DYNC2I1: variants seen among roughly 807,000 people sequenced by gnomAD.
DYNC2I1 encodes cytoplasmic dynein 2 intermediate chain 1.
DYNC2I1 carries 89 observed loss-of-function variants against 133.4 expected under a neutral mutation model. That is an observed-to-expected ratio of 0.67 (90% CI 0.56 to 0.80). DYNC2I1 has a LOEUF of 0.80. Among genes scored for constraint, DYNC2I1 ranks in the 30% least tolerant of loss-of-function variants. DYNC2I1 has a pLI of 0.00. For synonymous variants in DYNC2I1, 504 were observed against 484.3 expected, an observed-to-expected ratio of 1.04 and a Z score of -0.54; for missense variants, 1,291 against 1,314.5, an observed-to-expected ratio of 0.98 and a Z score of 0.28.
intron 21 of DYNC2I1, among the ~76,000 whole-genome samples, chr7:158,931,876 C>G (rs912146023): frequency 1.3e-5 from 2 of 152,138 alleles, no homozygotes; most frequent in African/African-American, 4.8e-5. Flanking sequence ...AGGGGGCGCT[C>G]CCTGCTTTCC....
intron 8 of DYNC2I1, among the ~76,000 whole-genome samples, chr7:158,894,296 T>C (rs1489953188): frequency 6.6e-6 from 1 of 152,208 alleles, no homozygotes; most frequent in Non-Finnish European, 1.5e-5. Context: ...CTGCATATCA[T>C]ACTGCATGTC....
intron 24 of DYNC2I1, among the ~76,000 whole-genome samples, chr7:158,943,578 A>G (rs1196837917): frequency 6.6e-6 from 1 of 152,200 alleles, no homozygotes; most frequent in Non-Finnish European, 1.5e-5. Context: ...GGGCCTGGGC[A>G]GGGGCGGGTA....
rs546207157 is a variant in DYNC2I1 at position 158,944,615 on chromosome 7, C to T, written c.3003-966C>T. ...ACGAGGCTTCATTCCCACACTCTGCCGCCCCACGTCCTGTGGAGTGAGCAG... is the reference window on the plus strand; with the variant it reads ...ACGAGGCTTCATTCCCACACTCTGCTGCCCCACGTCCTGTGGAGTGAGCAG... On this transcript the variant is annotated intron_variant, in intron 24 of 24. Transcript: ENST00000407559. Among the ~76,000 whole-genome samples the T allele has an allele frequency of 4.6e-5, 7 of 152,308 alleles. 1 individual carries two copies. The highest frequency in any genetic ancestry group is 7.2e-5 in the African/African-American group (3 of 41,572).
chr7:158,862,020 C>T (rs538967656), intron 1 of DYNC2I1, among the ~76,000 whole-genome samples: 1 of 152,126 alleles, frequency 6.6e-6, no homozygotes, highest in Non-Finnish European at 1.5e-5. Flanking sequence ...TAAATTATGT[C>T]CCAGTCCTAA....
chr7:158,874,800 G>A (rs184171381), intron 3 of DYNC2I1, among the ~76,000 whole-genome samples: 2 of 152,314 alleles, frequency 1.3e-5, no homozygotes, highest in Non-Finnish European at 2.9e-5. Flanking sequence ...TTCCAGGCTT[G>A]TGTATCCCCT....
At chr7:158,866,329 T>C (rs4909278) in intron 1 of DYNC2I1, among the ~76,000 whole-genome samples, 31,081 of 146,732 alleles carry the variant, frequency 0.21, 3,319 homozygotes, top group Middle Eastern at 0.27. Context: ...CATCCCTTCT[T>C]TGTGGTGCCC....
At chr7:158,949,707 C>T (rs922404866), downstream of DYNC2I1, among the ~76,000 whole-genome samples, 6 of 151,634 alleles carry the variant, frequency 4.0e-5, no homozygotes, top group African/African-American at 1.2e-4. Context: ...CATCAAAGGC[C>T]GGGAGAATGG....
chr7:158,945,590 C>T lies in DYNC2I1; in HGVS notation c.3012C>T (p.Ala1004=). 6.2e-7 allele frequency: 1 copy of T among 1,605,252 alleles called. No homozygotes were observed. The highest frequency in any genetic ancestry group is 8.5e-7 in the Non-Finnish European group (1 of 1,176,604). The stretch of plus-strand genomic sequence containing the variant: ...GCCCCTCTCCCTGCAGGCTGGTGGC[C>T]ATGGCTGCGGTGGGTGAGCCTGAGA... The part of the protein sequence containing the change: ...KQQVSPNRLV[A]MAAVGEPEKA... The change falls in exon 25 of 25, where the codon GCC becomes GCT. Residue 1004 remains alanine, a synonymous_variant. Coordinates refer to ENST00000407559, the MANE Select transcript of DYNC2I1 (RefSeq NM_018051.5). The surrounding 1 kb of genome is among the most constrained non-coding windows in gnomAD (Gnocchi z 4.1).
intron 21 of DYNC2I1, among the ~76,000 whole-genome samples, chr7:158,933,591 G>C (rs1221444195): frequency 6.6e-6 from 1 of 152,208 alleles, no homozygotes; most frequent in Non-Finnish European, 1.5e-5. Flanking sequence ...TGGGTGTGTG[G>C]GAACCCACAA....
chr7:158,872,007 T>G (rs1177976884), intron 3 of DYNC2I1, among the ~76,000 whole-genome samples: 2 of 152,196 alleles, frequency 1.3e-5, no homozygotes, highest in African/African-American at 4.8e-5. Context: ...TCATTGTTTT[T>G]CTTTTGGTAT....
intron 3 of DYNC2I1, among the ~76,000 whole-genome samples, chr7:158,874,632 A>G (rs906986848): frequency 6.6e-6 from 1 of 152,054 alleles, no homozygotes; most frequent in Non-Finnish European, 1.5e-5. Context: ...CACAAAGCCC[A>G]TCTGTGCAGT....
upstream of DYNC2I1, among the ~76,000 whole-genome samples, chr7:158,853,881 G>A (rs1043432442): frequency 3.9e-5 from 6 of 152,064 alleles, no homozygotes; most frequent in African/African-American, 1.2e-4. Flanking sequence ...TCAAACTCCC[G>A]ACCTCAGGTG....
At chr7:158,869,947 A>T in intron 2 of DYNC2I1, 39 bp downstream of exon 2, 1 of 1,584,460 alleles carries the variant, frequency 6.3e-7, no homozygotes, top group Non-Finnish European at 8.6e-7. Context: ...TCTGTGCAGG[A>T]CTCGTGTGGT....
intron 23 of DYNC2I1, 140 bp downstream of exon 23, chr7:158,934,689 T>C: frequency 1.2e-6 from 1 of 848,934 alleles, no homozygotes; most frequent in South Asian, 1.8e-5. Context: ...CAAATGACCC[T>C]CCCACCTCAG....
At chr7:158,932,322 A>G (rs1267129656) in intron 21 of DYNC2I1, among the ~76,000 whole-genome samples, 1 of 152,168 alleles carries the variant, frequency 6.6e-6, no homozygotes, top group African/African-American at 2.4e-5. Context: ...TGAGGAGGCA[A>G]AGACTGAGCC....
downstream of DYNC2I1, among the ~76,000 whole-genome samples, chr7:158,946,735 A>G (rs1851897194): frequency 6.6e-6 from 1 of 152,224 alleles, no homozygotes; most frequent in South Asian, 2.1e-4. Flanking sequence ...TGAGGACAGG[A>G]AAATCCCAGA....
chr7:158,841,073 T>C, the DYNC2I1 span, among the ~76,000 whole-genome samples: 1 of 150,450 alleles, frequency 6.6e-6, no homozygotes, highest in Admixed American at 6.7e-5. Flanking sequence ...AATGGGATCA[T>C]GCCTACTTTT....
At chr7:158,899,731 C>T (rs1009249215) in intron 8 of DYNC2I1, among the ~76,000 whole-genome samples, 19 of 152,182 alleles carry the variant, frequency 1.2e-4, no homozygotes, top group African/African-American at 3.6e-4. Context: ...GCCTCTTCCT[C>T]ATTTTCTCTT....
chr7:158,852,617 C>T (rs1338707547), upstream of DYNC2I1, among the ~76,000 whole-genome samples: 1 of 151,480 alleles, frequency 6.6e-6, no homozygotes, highest in African/African-American at 2.4e-5. Flanking sequence ...GAGGTGCCTG[C>T]AGTCCCAGCC....
Sources: gnomAD v4.1 joint callset for allele counts (sites outside exome capture counted in the v4.1 genomes callset) on GRCh38, gnomAD v4.1.1 for gene constraint, Gnocchi (gnomAD v3.1) non-coding constraint, MANE v1.5 for transcripts, NCBI Gene and HGNC (gene_info 2026-07-23, HGNC 2026-07-21) for gene names.